Variants in IWS1 observed in about 807,000 individuals in gnomAD.
IWS1 encodes the protein interacts with SUPT6H, CTD assembly factor 1.
Under a neutral mutation model 86.7 loss-of-function variants are expected in IWS1, and 27 were observed. The ratio of observed to expected loss-of-function variants is 0.31; its 90% confidence interval spans 0.23 to 0.43. IWS1 has a LOEUF of 0.43. Ranked by LOEUF, IWS1 falls within the 20% of genes least tolerant of loss-of-function variation. The pLI is 1.00. For missense variants in IWS1, 827 were observed against 1,000.8 expected (o/e 0.83, Z 2.34); for synonymous variants, 313 against 335.1 (o/e 0.93, Z 0.72).
intron 10 of IWS1, among the ~76,000 whole-genome samples, chr2:127,491,232 C>T (rs1690212170): frequency 6.6e-6 from 1 of 152,220 alleles, no homozygotes; most frequent in South Asian, 2.1e-4. Context: ...GCTTTAGACA[C>T]AACCTCTCAT....
intron 3 of IWS1, among the ~76,000 whole-genome samples, chr2:127,503,877 C>G (rs374538700): frequency 7.2e-5 from 11 of 152,042 alleles, no homozygotes; most frequent in African/African-American, 2.2e-4. Flanking sequence ...TTTGGGAAAT[C>G]GAGAAAATTA....
At chr2:127,496,365 T>G (rs1690512865) in intron 6 of IWS1, among the ~76,000 whole-genome samples, 2 of 152,122 alleles carry the variant, frequency 1.3e-5, no homozygotes, top group South Asian at 2.1e-4. Flanking sequence ...AGGTTAACTT[T>G]TTATTGAAGA....
intron 2 of IWS1, among the ~76,000 whole-genome samples, chr2:127,513,272 T>C (rs373072031): frequency 2.0e-5 from 3 of 152,152 alleles, no homozygotes; most frequent in African/African-American, 7.2e-5. Flanking sequence ...AAAGGTTTAA[T>C]TAACTTGATT....
chr2:127,512,014 A>G (rs1691479378), intron 2 of IWS1, among the ~76,000 whole-genome samples: 1 of 152,236 alleles, frequency 6.6e-6, no homozygotes, highest in African/African-American at 2.4e-5. Context: ...ACTGACTTCA[A>G]GGGCAGATGG....
chr2:127,491,749 C>A (rs1398359637), intron 10 of IWS1, among the ~76,000 whole-genome samples: 2 of 152,034 alleles, frequency 1.3e-5, no homozygotes, highest in Admixed American at 6.6e-5. Context: ...CAGCCTCTTA[C>A]TTGCTATTTT....
intron 13 of IWS1, among the ~76,000 whole-genome samples, chr2:127,483,609 TGTGTGTGTGTGTGTGCGTGTGC>T (rs1689768650): frequency 2.4e-3 from 7 of 2,860 alleles, no homozygotes; most frequent in African/African-American, 3.2e-3. Context: ...TTGGGCTGTG[TGTGTGTGTGTGTGTGCGTGTGC>T]GTGTGTGTGT....
chr2:127,509,844 A>G (rs192120971), intron 2 of IWS1, among the ~76,000 whole-genome samples: 20 of 152,322 alleles, frequency 1.3e-4, no homozygotes, highest in African/African-American at 4.8e-4. Context: ...ACAAAGAATA[A>G]CCACACTTCT....
intron 13 of IWS1, among the ~76,000 whole-genome samples, chr2:127,484,310 TCAAAAA>T (rs900155639): frequency 7.9e-5 from 12 of 152,274 alleles, no homozygotes; most frequent in Admixed American, 1.3e-4. Flanking sequence ...AGACACCGTC[TCAAAAA>T]CAAAAACAAA....
intron 12 of IWS1, among the ~76,000 whole-genome samples, chr2:127,488,911 T>C (rs1690070633): frequency 6.6e-6 from 1 of 152,220 alleles, no homozygotes; most frequent in African/African-American, 2.4e-5. Flanking sequence ...CATAGACTAT[T>C]TTTAATTTGT....
At chr2:127,500,291 G>A (rs1468107607) in intron 5 of IWS1, among the ~76,000 whole-genome samples, 1 of 152,178 alleles carries the variant, frequency 6.6e-6, no homozygotes, top group East Asian at 1.9e-4. Context: ...GGATTATATA[G>A]AGACTGTTCC....
At chr2:127,504,633 G>T in intron 3 of IWS1, 51 bp downstream of exon 3, 2 of 1,273,874 alleles carry the variant, frequency 1.6e-6, no homozygotes, top group Non-Finnish European at 2.2e-6. Context: ...ACAGTTACAA[G>T]CTTAGACAAT....
At chr2:127,497,156 G>A (rs964945500) in intron 6 of IWS1, among the ~76,000 whole-genome samples, 1 of 152,186 alleles carries the variant, frequency 6.6e-6, no homozygotes, top group Non-Finnish European at 1.5e-5. Context: ...GCTATTAAAA[G>A]AACGGTTGAT....
chr2:127,489,546 G>A lies in IWS1; in HGVS notation c.2159+286C>T, dbSNP rs908974134. The A allele has an allele frequency of 2.2e-5, 11 of 501,662 alleles. No individual in the cohort carries two copies. The South Asian group carries it at 2.7e-4, about 12-fold the overall frequency. The allele number at this position is 501,662 out of a possible 1,614,324, so 31.1% of individuals were successfully genotyped here. A position where few individuals can be genotyped will look rare whatever the true frequency, so the allele number is the denominator to read the frequency against. ...TTTTCTTCTAGGAACTCGGAAACGG[G>A]ACCCAGAAAGTTGTTTTCTCAAGTG... On this transcript the variant is annotated intron_variant, in intron 11 of 13. Transcript: ENST00000295321. This position sits in a 1 kb window ranked among gnomAD's most constrained non-coding sequence, Gnocchi z 4.8.
At chr2:127,486,757 A>G (rs754121432) in intron 12 of IWS1, 93 bp from the exon 13 acceptor site, 8 of 948,230 alleles carry the variant, frequency 8.4e-6, no homozygotes, top group African/African-American at 1.6e-5. Flanking sequence ...ACATCCACCC[A>G]TTAAGCTGCA....
At chr2:127,495,899 G>T in intron 7 of IWS1, 99 bp downstream of exon 7, 1 of 1,043,610 alleles carries the variant, frequency 9.6e-7, no homozygotes, top group Non-Finnish European at 1.3e-6. Context: ...AAAAAGCAAA[G>T]CATCTTAATT....
intron 2 of IWS1, among the ~76,000 whole-genome samples, chr2:127,517,807 A>C (rs1206633246): frequency 6.6e-6 from 1 of 152,254 alleles, no homozygotes; most frequent in African/African-American, 2.4e-5. Context: ...ATACCAAAAG[A>C]AACAATCCAA....
intron 2 of IWS1, among the ~76,000 whole-genome samples, chr2:127,523,014 A>C (rs1276402804): frequency 1.3e-5 from 2 of 152,216 alleles, no homozygotes; most frequent in African/African-American, 4.8e-5. Flanking sequence ...GTTTGAGATC[A>C]GCCTGGCCAA....
Position 127,503,521 on chromosome 2 carries a change from T to C in IWS1, c.1275A>G (p.Val425=). ...TCTCTCTTTTGCCTGACTTGTCTGA[T>C]ACAGCATCACTGTCAGAGTCATCTG... ...SDADDSDSDA[V]SDKSGKREKT... is the part of the protein sequence containing the mutation. The change falls in exon 4 of 14, where the codon GTA becomes GTG. Residue 425 remains valine (V), a synonymous_variant. Transcript: ENST00000295321. 2 of 1,613,704 alleles carry C rather than the reference T, an allele frequency of 1.2e-6. No individual in the cohort carries two copies. Among genetic ancestry groups the C allele is most frequent in the Non-Finnish European group, 1.7e-6 (2 of 1,179,844 alleles).
chr2:127,496,854 A>T (rs1690538588), intron 6 of IWS1, among the ~76,000 whole-genome samples: 1 of 152,212 alleles, frequency 6.6e-6, no homozygotes, highest in African/African-American at 2.4e-5. Context: ...TTGAGATTAC[A>T]GGCATAAGCC....
Sources: allele counts gnomAD v4.1 joint callset (sites outside exome capture counted in the v4.1 genomes callset), GRCh38; gene constraint gnomAD v4.1.1; non-coding constraint Gnocchi (gnomAD v3.1); transcripts MANE v1.5; gene names NCBI Gene and HGNC (gene_info 2026-07-23, HGNC 2026-07-21).